Variants in PKN2 observed in about 807,000 individuals in gnomAD.
PKN2 encodes serine/threonine-protein kinase N2.
A neutral mutation model predicts 119.1 loss-of-function variants in PKN2; 38 were observed. That is an observed-to-expected ratio of 0.32 (90% CI 0.25 to 0.42). The LOEUF (loss-of-function observed/expected upper bound fraction) is 0.42, where lower values mean the gene tolerates loss of function less well. Ranked by LOEUF, PKN2 falls within the 10% of genes least tolerant of loss-of-function variation. The pLI is 1.00. For missense variants in PKN2, 850 were observed against 1,165.1 expected, an observed-to-expected ratio of 0.73 and a Z score of 3.94; for synonymous variants, 390 against 384.9, an observed-to-expected ratio of 1.01 and a Z score of -0.15.
chr1:88,761,612 TAAAAAAAA>T (rs368283566), intron 3 of PKN2, among the ~76,000 whole-genome samples: 2 of 102,020 alleles, frequency 2.0e-5, no homozygotes, highest in African/African-American at 3.6e-5. Flanking sequence ...CCTGTCTCTT[TAAAAAAAA>T]AAAAAAAAAA....
In PKN2 at chr1:88,834,129, T is replaced by A. The variant is rs1672846230; in HGVS notation, c.*681T>A. Reference sequence around the variant, plus strand: ...CTGCTTGCCAAACAATTTTTTTTGTTTATTAAACAGTGCTGAAACAAACAG... The same window carrying A: ...CTGCTTGCCAAACAATTTTTTTTGTATATTAAACAGTGCTGAAACAAACAG... On this transcript the variant is annotated 3_prime_UTR_variant, in exon 22 of 22. Transcript: ENST00000370521. The A allele has an allele frequency of 1.3e-5, 2 of 152,034 alleles. No individual in the cohort carries two copies. Among genetic ancestry groups the A allele is most frequent in the South Asian group, 4.1e-4 (2 of 4,834 alleles). 9.4% of individuals were successfully genotyped at this position (152,034 alleles called of 1,614,324 possible).
intron 19 of PKN2, 125 bp downstream of exon 19, chr1:88,828,748 A>AG (rs1294709402): frequency 8.4e-6 from 6 of 713,494 alleles, no homozygotes; most frequent in Non-Finnish European, 1.3e-5. Flanking sequence ...AAATATTTAT[A>AG]GTATACTAGT....
chr1:88,780,834 GA>G (rs3835585), intron 6 of PKN2, among the ~76,000 whole-genome samples: 6,046 of 152,122 alleles, frequency 0.04, 276 homozygotes, highest in African/African-American at 0.1. Flanking sequence ...CAAATATTTT[GA>G]ATAACAATAT....
chr1:88,699,975 G>A (rs187903804), intron 1 of PKN2, among the ~76,000 whole-genome samples: 4 of 152,004 alleles, frequency 2.6e-5, no homozygotes, highest in African/African-American at 9.6e-5. Flanking sequence ...TAGAGACAGG[G>A]TTTCACTGTT....
chr1:88,714,708 T>G (rs1254704390), intron 1 of PKN2, among the ~76,000 whole-genome samples: 1 of 152,216 alleles, frequency 6.6e-6, no homozygotes, highest in Non-Finnish European at 1.5e-5. Flanking sequence ...TACAATCTTG[T>G]CATCTGCAAA....
chr1:88,763,346 G>A (rs1557594769), intron 3 of PKN2, among the ~76,000 whole-genome samples: 1 of 152,082 alleles, frequency 6.6e-6, no homozygotes, highest in Non-Finnish European at 1.5e-5. Flanking sequence ...GGTGACTCAC[G>A]CCTGTAATCC....
chr1:88,731,882 T>C (rs1668154983), intron 1 of PKN2, among the ~76,000 whole-genome samples: 2 of 152,240 alleles, frequency 1.3e-5, no homozygotes, highest in South Asian at 4.1e-4. Flanking sequence ...TTCAGTGTTT[T>C]TCTTAACTTT....
chr1:88,832,039 A>G (rs1237048036), intron 19 of PKN2, among the ~76,000 whole-genome samples: 1 of 151,982 alleles, frequency 6.6e-6, no homozygotes. Context: ...TACTGAGCTT[A>G]TGGAAATGCC....
chr1:88,754,871 T>C (rs1278819516), intron 2 of PKN2, among the ~76,000 whole-genome samples: 3 of 152,240 alleles, frequency 2.0e-5, no homozygotes, highest in Non-Finnish European at 4.4e-5. Flanking sequence ...AAAGCAAGTT[T>C]ATTGAATTTG....
chr1:88,686,322 T>C (rs1434056386), intron 1 of PKN2, among the ~76,000 whole-genome samples: 1 of 152,128 alleles, frequency 6.6e-6, no homozygotes. Context: ...TTGTATGTTA[T>C]AGAAAGTTGG....
chr1:88,758,923 G>A (rs764215425), intron 2 of PKN2, among the ~76,000 whole-genome samples: 6 of 152,170 alleles, frequency 3.9e-5, no homozygotes, highest in African/African-American at 1.4e-4. Flanking sequence ...TTGCTGGGTC[G>A]AACGGTATTT....
At chr1:88,762,426 AC>A (rs1669484565) in intron 3 of PKN2, among the ~76,000 whole-genome samples, 1 of 152,120 alleles carries the variant, frequency 6.6e-6, no homozygotes, top group Admixed American at 6.6e-5. Context: ...TCTAGATTCC[AC>A]CTTAACTGTT....
intron 3 of PKN2, among the ~76,000 whole-genome samples, chr1:88,765,227 C>A (rs1018064835): frequency 6.7e-6 from 1 of 149,346 alleles, no homozygotes; most frequent in Non-Finnish European, 1.5e-5. Context: ...CCGTGCCCAG[C>A]CTTGTCTCCT....
intron 1 of PKN2, among the ~76,000 whole-genome samples, chr1:88,711,939 A>G (rs1667249285): frequency 6.6e-6 from 1 of 152,164 alleles, no homozygotes; most frequent in Non-Finnish European, 1.5e-5. Flanking sequence ...ATACATGTAT[A>G]TATATTGAAC....
At chr1:88,712,946 C>T (rs967268828) in intron 1 of PKN2, among the ~76,000 whole-genome samples, 1 of 151,880 alleles carries the variant, frequency 6.6e-6, no homozygotes, top group Non-Finnish European at 1.5e-5. Flanking sequence ...CCACAACAGG[C>T]CCAGTGTGTG....
intron 16 of PKN2, among the ~76,000 whole-genome samples, chr1:88,821,445 A>G (rs993080011): frequency 1.3e-5 from 2 of 152,214 alleles, no homozygotes; most frequent in Non-Finnish European, 2.9e-5. Context: ...TTCAGTATCC[A>G]TAATATGACA....
rs191056745 is a variant in PKN2 at position 88,836,210 on chromosome 1, G to T, written c.*2762G>T. On this transcript the variant is annotated 3_prime_UTR_variant, in exon 22 of 22. Coordinates refer to ENST00000370521, the MANE Select transcript of PKN2 (RefSeq NM_006256.4). ...TTGAGGTTAGCTTATTTTAATTTAG[G>T]ACCTGGCTTCTCAAAAAGGCAAATG... The T allele has an allele frequency of 1.2e-4, 19 of 152,052 alleles. No individual in the cohort carries two copies. The highest frequency in any genetic ancestry group is 5.2e-4 in the Admixed American group (8 of 15,272). The allele number at this position is 152,052 out of a possible 1,614,324, so 9.4% of individuals were successfully genotyped here. A position where few individuals can be genotyped will look rare whatever the true frequency, so the allele number is the denominator to read the frequency against.
rs367662856 is a variant in PKN2, at chr1:88,695,848, T to C, written c.48+11220T>C. 5.3e-5 allele frequency among the ~76,000 whole-genome samples: 8 copies of C among 152,272 alleles called. No homozygotes were observed. The South Asian group carries it at 1.5e-3, about 28-fold the overall frequency. The stretch of plus-strand genomic sequence containing the variant: ...TAAAAATAAGTTAACGTCTCTCATG[T>C]TTTTATTATACTCTTTAATACTGTT... On this transcript the variant is annotated intron_variant, in intron 1 of 21. Coordinates refer to ENST00000370521, the MANE Select transcript of PKN2 (RefSeq NM_006256.4).
intron 1 of PKN2, 63 bp from the exon 2 acceptor site, chr1:88,740,925 G>T: frequency 9.8e-7 from 1 of 1,022,566 alleles, no homozygotes; most frequent in Non-Finnish European, 1.4e-6. Context: ...TGAAAACACT[G>T]CATATTTACT....
Sources: allele counts gnomAD v4.1 joint callset (sites outside exome capture counted in the v4.1 genomes callset), GRCh38; gene constraint gnomAD v4.1.1; transcripts MANE v1.5; gene names NCBI Gene and HGNC (gene_info 2026-07-23, HGNC 2026-07-21).